Variants in FREM3 observed in about 807,000 individuals in gnomAD.
FREM3 encodes the protein FRAS1 related extracellular matrix 3, also known as FRAS1-related extracellular matrix protein 3.
FREM3 carries 105 observed loss-of-function variants against 129.1 expected under a neutral mutation model. The observed-to-expected ratio is 0.81, with a 90% CI of 0.69 to 0.96. The LOEUF (loss-of-function observed/expected upper bound fraction) is 0.96, where lower values mean the gene tolerates loss of function less well. Among genes scored for constraint, FREM3 ranks in the 40% least tolerant of loss-of-function variants. The pLI is 0.00. For missense variants in FREM3, 2,593 were observed against 2,666.3 expected (o/e 0.97, Z 0.61); for synonymous variants, 1,014 against 1,044.9 (o/e 0.97, Z 0.57).
chr4:143,657,321 C>T (rs1438699756), intron 2 of FREM3, among the ~76,000 whole-genome samples: 1 of 152,136 alleles, frequency 6.6e-6, no homozygotes, highest in Non-Finnish European at 1.5e-5. Context: ...AAATGCTTTC[C>T]ATAAGAATAA....
chr4:143,621,116 G>A lies in FREM3; in HGVS notation c.5700C>T (p.Asp1900=). 2 of 1,536,808 alleles carry A rather than the reference G, an allele frequency of 1.3e-6. No homozygotes were observed. The highest frequency in any genetic ancestry group is 1.7e-6 in the Non-Finnish European group (2 of 1,146,564). The change falls in exon 5 of 8, where the codon GAC becomes GAT. Residue 1900 remains aspartate (D), a synonymous_variant. Coordinates refer to ENST00000329798, the MANE Select transcript of FREM3 (RefSeq NM_001168235.2). ...TTACTGGAATCAAAAGTTCCCCAAT[G>A]TCCTCTTCTATTTTGTATTCCGCCT... ...IPEAEYKIEE[D]IGELLIPVRR...
chr4:143,604,678 G>A (rs1400084598), intron 6 of FREM3, among the ~76,000 whole-genome samples: 6 of 152,072 alleles, frequency 3.9e-5, no homozygotes, highest in South Asian at 4.1e-4. Context: ...CAAAACTTGG[G>A]AACTTGCCTC....
At chr4:143,683,341 C>G (rs986233724) in intron 2 of FREM3, among the ~76,000 whole-genome samples, 5 of 152,192 alleles carry the variant, frequency 3.3e-5, no homozygotes, top group African/African-American at 1.2e-4. Context: ...GAGTCCCCCC[C>G]AAACTGTGAG....
intron 6 of FREM3, among the ~76,000 whole-genome samples, chr4:143,594,281 C>T (rs1738424786): frequency 1.3e-5 from 2 of 152,166 alleles, no homozygotes; most frequent in South Asian, 4.1e-4. Flanking sequence ...CCTGGTACCT[C>T]AGTTGGAAAT....
intron 2 of FREM3, among the ~76,000 whole-genome samples, chr4:143,638,543 C>T (rs775884069): frequency 2.6e-5 from 4 of 152,094 alleles, no homozygotes; most frequent in Non-Finnish European, 4.4e-5. Context: ...TGCTCATTTT[C>T]GGATACGATC....
In FREM3 at chr4:143,698,815, G is replaced by A; in HGVS notation, c.1861C>T (p.Pro621Ser). 6.5e-7 allele frequency: 1 copy of A among 1,537,688 alleles called. No homozygotes were observed. Among genetic ancestry groups the A allele is most frequent in the Non-Finnish European group, 8.7e-7 (1 of 1,147,026 alleles). The change falls in exon 1 of 8, where the codon CCT (proline) becomes TCT (serine). Residue 621 changes from proline to serine, a missense_variant. Coordinates refer to ENST00000329798, the MANE Select transcript of FREM3 (RefSeq NM_001168235.2). ...CAGTCTTCATCTTCAGTTGAGAGAG[G>A]TAGTTCAGCCTGCTGCAGCAACAGG... ...GDLLLQQAEL[P>S]LSTEDEDWHY...
intron 2 of FREM3, among the ~76,000 whole-genome samples, chr4:143,669,695 C>T (rs968462421): frequency 6.6e-6 from 1 of 150,730 alleles, no homozygotes; most frequent in African/African-American, 2.4e-5. Flanking sequence ...AGGACTTGTC[C>T]TTTATGCATG....
At chr4:143,689,657 T>C (rs1342473252) in intron 2 of FREM3, among the ~76,000 whole-genome samples, 2 of 151,562 alleles carry the variant, frequency 1.3e-5, no homozygotes, top group Non-Finnish European at 2.9e-5. Context: ...AACGAGTGGA[T>C]AAAGAAACTG....
intron 2 of FREM3, among the ~76,000 whole-genome samples, chr4:143,687,114 G>A (rs540176290): frequency 2.0e-5 from 3 of 152,048 alleles, no homozygotes; most frequent in Middle Eastern, 6.8e-3. Context: ...GACTAATCAA[G>A]AAAAGTAGAG....
At position 143,696,643 on chromosome 4, in the gene FREM3, C is replaced by G; in HGVS notation, c.4033G>C (p.Val1345Leu). Residue 1345 changes from valine to leucine, a missense_variant, in exon 1 of 8, where the codon GTC becomes CTC. Physicochemically the swap from Val to Leu is conservative, Grantham distance 32 (BLOSUM62 1). This residue lies in a region of FREM3 where 2,276 missense variants were observed against 2,267.2 expected (regional missense o/e 1.00). Transcript: ENST00000329798. ...LDSDDKSLSF[V>L]LHSGPQQGLL... ...CCTTGTTGAGGCCCAGAATGGAGGA[C>G]AAAACTGAGGCTTTTATCATCTGAG... 1.3e-6 allele frequency: 2 copies of G among 1,537,788 alleles called. No individual in the cohort carries two copies. Among genetic ancestry groups the G allele is most frequent in the Non-Finnish European group, 1.7e-6 (2 of 1,147,030 alleles).
At chr4:143,609,025 G>T (rs1415573584) in intron 6 of FREM3, among the ~76,000 whole-genome samples, 2 of 152,094 alleles carry the variant, frequency 1.3e-5, no homozygotes, top group Non-Finnish European at 2.9e-5. Flanking sequence ...TTCTTAGAAT[G>T]ACTTAAGAAT....
rs189637641 is a variant in FREM3 at position 143,687,209 on chromosome 4, G to T, written c.5275+5904C>A. On this transcript the variant is annotated intron_variant, in intron 2 of 7. Transcript: ENST00000329798. ...GAAATACAAAAGAGCATTCAAGGCT[G>T]CTACGAACACCTTTACTCACGTAAC... Among the ~76,000 whole-genome samples the T allele has an allele frequency of 5.9e-5, 9 of 152,088 alleles. No homozygotes were observed. In the South Asian group the frequency reaches 1.7e-3, roughly 28 times the overall value.
At chr4:143,624,953 G>T (rs998569575) in intron 3 of FREM3, among the ~76,000 whole-genome samples, 11 of 152,028 alleles carry the variant, frequency 7.2e-5, no homozygotes, top group East Asian at 1.9e-4. Context: ...GTGATTTTTT[G>T]ATTGTAAGAG....
intron 6 of FREM3, among the ~76,000 whole-genome samples, chr4:143,598,072 C>T (rs1230284778): frequency 6.6e-6 from 1 of 152,248 alleles, no homozygotes; most frequent in Non-Finnish European, 1.5e-5. Flanking sequence ...GCTCTGCCCT[C>T]ATGACCTAAT....
chr4:143,640,217 T>TCA (rs1739300201), intron 2 of FREM3, among the ~76,000 whole-genome samples: 1 of 152,228 alleles, frequency 6.6e-6, no homozygotes, highest in Non-Finnish European at 1.5e-5. Flanking sequence ...TGGAGCTGAT[T>TCA]GCTCCAAATT....
At position 143,680,691 on chromosome 4, in the gene FREM3, G is replaced by T. The variant is rs138667631; in HGVS notation, c.5275+12422C>A. ...CAGACTTCAAGCATTTTTGAATCAGGCGTGAAAATTTTGGGCCATGGATCT... is the reference window on the plus strand; with the variant it reads ...CAGACTTCAAGCATTTTTGAATCAGTCGTGAAAATTTTGGGCCATGGATCT... On this transcript the variant is annotated intron_variant, in intron 2 of 7. Transcript: ENST00000329798. Among the ~76,000 whole-genome samples the T allele has an allele frequency of 6.9e-3, 1,043 of 152,056 alleles. 16 individuals carry two copies. The highest frequency in any genetic ancestry group is 0.024 in the African/African-American group (987 of 41,506).
chr4:143,621,732 GTGTGTGTGTA>G (rs1236320876), intron 4 of FREM3, among the ~76,000 whole-genome samples: 3 of 152,114 alleles, frequency 2.0e-5, no homozygotes, highest in African/African-American at 7.2e-5. Flanking sequence ...ACACGTTTGT[GTGTGTGTGTA>G]TGTGTGTGTG....
At chr4:143,650,781 C>G (rs935320311) in intron 2 of FREM3, among the ~76,000 whole-genome samples, 1 of 152,210 alleles carries the variant, frequency 6.6e-6, no homozygotes. Context: ...TATGAGCCAC[C>G]ACAGCCAGCA....
At chr4:143,602,067 G>A (rs1172812034) in intron 6 of FREM3, 4 of 152,140 alleles carry the variant, frequency 2.6e-5, no homozygotes, top group Admixed American at 2.6e-4. Flanking sequence ...ACAAGATGAT[G>A]TATTTGACTC....
Sources: gnomAD v4.1 joint callset for allele counts (sites outside exome capture counted in the v4.1 genomes callset) on GRCh38, gnomAD v4.1.1 for gene constraint, gnomAD v4.1.1 regional missense constraint, MANE v1.5 for transcripts, NCBI Gene and HGNC (gene_info 2026-07-23, HGNC 2026-07-21) for gene names.